CBY1: variants seen among roughly 807,000 people sequenced by gnomAD.
CBY1 encodes protein chibby homolog 1.
Under a neutral mutation model 15.6 loss-of-function variants are expected in CBY1, and 10 were observed. The ratio of observed to expected loss-of-function variants is 0.64; its 90% confidence interval spans 0.40 to 1.09. The LOEUF (loss-of-function observed/expected upper bound fraction) is 1.09. Among genes scored for constraint, CBY1 ranks in the 50% least tolerant of loss-of-function variants. The pLI, the probability that CBY1 is intolerant of heterozygous loss-of-function variation, is 0.01. For synonymous variants in CBY1, 61 were observed against 63.5 expected, an observed-to-expected ratio of 0.96 and a Z score of 0.19; for missense variants, 150 against 160.5, an observed-to-expected ratio of 0.93 and a Z score of 0.35.
At chr22:38,667,157 C>T (rs374863987) in intron 1 of CBY1, among the ~76,000 whole-genome samples, 5 of 151,772 alleles carry the variant, frequency 3.3e-5, no homozygotes, top group East Asian at 1.9e-4. Context: ...ACTACAGGCA[C>T]GCACCACCAT....
At chr22:38,667,593 A>G (rs937549936) in intron 1 of CBY1, 1 of 158,758 alleles carries the variant, frequency 6.3e-6, no homozygotes, top group African/African-American at 2.4e-5. Flanking sequence ...GGTAATTTAT[A>G]AAGAAAAGAA....
At chr22:38,668,643 T>C (rs1329705970) in intron 2 of CBY1, 1 of 154,676 alleles carries the variant, frequency 6.5e-6, no homozygotes, top group African/African-American at 2.4e-5. Context: ...AGTGCTAGGA[T>C]TACAGGTGTG....
At chr22:38,659,434 G>C (rs2092415245) in intron 1 of CBY1, among the ~76,000 whole-genome samples, 1 of 151,714 alleles carries the variant, frequency 6.6e-6, no homozygotes, top group South Asian at 2.1e-4. Flanking sequence ...TTTTTTAGTA[G>C]TGACAGGGTT....
chr22:38,658,464 A>G (rs1208619472), intron 1 of CBY1, among the ~76,000 whole-genome samples: 2 of 132,052 alleles, frequency 1.5e-5, no homozygotes, highest in African/African-American at 5.6e-5. Context: ...ACTTTATTTT[A>G]TTTTATTTTT....
intron 4 of CBY1, 143 bp downstream of exon 4, chr22:38,671,331 A>T (rs1006743232): frequency 8.6e-6 from 6 of 698,088 alleles, no homozygotes; most frequent in Admixed American, 8.2e-5. Flanking sequence ...GCAAGGAACA[A>T]GACACAGTTC....
At chr22:38,673,034 C>T (rs921461351) in intron 4 of CBY1, 125 bp from the exon 5 acceptor site, 6 of 640,338 alleles carry the variant, frequency 9.4e-6, no homozygotes, top group Admixed American at 2.3e-5. Context: ...GGTTTCCCAT[C>T]GAGGAAGCCA....
At chr22:38,664,826 A>G (rs910606074) in intron 1 of CBY1, among the ~76,000 whole-genome samples, 4 of 152,118 alleles carry the variant, frequency 2.6e-5, no homozygotes, top group African/African-American at 9.7e-5. Flanking sequence ...TACATGCTCA[A>G]GTCTTATGTT....
At chr22:38,669,399 C>G (rs1052272194) in intron 2 of CBY1, among the ~76,000 whole-genome samples, 3 of 152,166 alleles carry the variant, frequency 2.0e-5, no homozygotes, top group African/African-American at 7.2e-5. Flanking sequence ...AATTAAAGAG[C>G]TATTGATTGA....
intron 1 of CBY1, among the ~76,000 whole-genome samples, chr22:38,659,831 C>CA (rs1216430097): frequency 2.2e-5 from 3 of 139,094 alleles, no homozygotes; most frequent in Non-Finnish European, 3.0e-5. Flanking sequence ...CACTGCACTC[C>CA]AGCCCGGGCG....
At chr22:38,662,931 C>T (rs911533328) in intron 1 of CBY1, among the ~76,000 whole-genome samples, 15 of 152,010 alleles carry the variant, frequency 9.9e-5, no homozygotes, top group Admixed American at 5.9e-4. Context: ...ACCAGCCTGG[C>T]CAACATGGCG....
chr22:38,659,677 A>G (rs2092416082), intron 1 of CBY1, among the ~76,000 whole-genome samples: 1 of 151,970 alleles, frequency 6.6e-6, no homozygotes, highest in South Asian at 2.1e-4. Context: ...CCTGGCTAAC[A>G]CGGTGAAACC....
intron 2 of CBY1, chr22:38,670,400 A>G (rs1013362194): frequency 2.0e-5 from 3 of 153,358 alleles, no homozygotes; most frequent in Non-Finnish European, 2.9e-5. Context: ...GTCTCAAAAA[A>G]AAAAAAAAAG....
chr22:38,669,247 T>G (rs1052276280), intron 2 of CBY1, among the ~76,000 whole-genome samples: 1 of 152,094 alleles, frequency 6.6e-6, no homozygotes, highest in African/African-American at 2.4e-5. Context: ...CAAATGACCC[T>G]TGGTGGCCTC....
intron 1 of CBY1, among the ~76,000 whole-genome samples, chr22:38,662,127 C>A (rs1030693195): frequency 2.0e-5 from 3 of 152,016 alleles, no homozygotes; most frequent in African/African-American, 7.2e-5. Flanking sequence ...CATGGCGAAA[C>A]CCCGTCTCTA....
intron 1 of CBY1, among the ~76,000 whole-genome samples, chr22:38,661,508 T>G (rs2092422346): frequency 6.6e-6 from 1 of 152,236 alleles, no homozygotes; most frequent in African/African-American, 2.4e-5. Context: ...CCAGGAAAGC[T>G]GTCATGAGCA....
chr22:38,666,232 T>A (rs1485210130), intron 1 of CBY1, among the ~76,000 whole-genome samples: 3 of 114,414 alleles, frequency 2.6e-5, no homozygotes, highest in Non-Finnish European at 5.7e-5. Flanking sequence ...TATATATATA[T>A]ATTTTTTTTT....
intron 1 of CBY1, among the ~76,000 whole-genome samples, chr22:38,663,838 A>G (rs1437831205): frequency 6.6e-6 from 1 of 151,964 alleles, no homozygotes; most frequent in Non-Finnish European, 1.5e-5. Context: ...CCTGGCCAAC[A>G]TGGCAAAACC....
At chr22:38,658,711 C>T (rs1452988805) in intron 1 of CBY1, among the ~76,000 whole-genome samples, 4 of 152,108 alleles carry the variant, frequency 2.6e-5, no homozygotes, top group East Asian at 3.9e-4. Flanking sequence ...CTCCTGACCT[C>T]GTGATCCGCC....
At chr22:38,668,917 G>T (rs1367472344) in intron 2 of CBY1, among the ~76,000 whole-genome samples, 1 of 152,206 alleles carries the variant, frequency 6.6e-6, no homozygotes, top group African/African-American at 2.4e-5. Context: ...CAGAGGCTTA[G>T]GATCTCAGTT....
Sources: allele counts gnomAD v4.1 joint callset (sites outside exome capture counted in the v4.1 genomes callset), GRCh38; gene constraint gnomAD v4.1.1; transcripts MANE v1.5; gene names NCBI Gene and HGNC (gene_info 2026-07-23, HGNC 2026-07-21).